CTDP1: variants seen among roughly 807,000 people sequenced by gnomAD.
The protein encoded by CTDP1 is RNA polymerase II subunit A C-terminal domain phosphatase.
A neutral mutation model predicts 91.8 loss-of-function variants in CTDP1; 47 were observed. The ratio of observed to expected loss-of-function variants is 0.51; its 90% confidence interval spans 0.41 to 0.65. The LOEUF (loss-of-function observed/expected upper bound fraction) is 0.65, where lower values mean the gene tolerates loss of function less well. Ranked by LOEUF, CTDP1 falls within the 30% of genes least tolerant of loss-of-function variation. The pLI is 0.00. For missense variants in CTDP1, 1,272 were observed against 1,373.7 expected (o/e 0.93, Z 1.17); for synonymous variants, 656 against 598.5 (o/e 1.10, Z -1.40).
chr18:79,723,637 C>A (rs577535384), intron 10 of CTDP1, among the ~76,000 whole-genome samples: 105 of 152,280 alleles, frequency 6.9e-4, no homozygotes, highest in African/African-American at 2.4e-3. Context: ...TGCAGAGAGG[C>A]CCTTTGGACC....
At chr18:79,712,939 T>A in intron 6 of CTDP1, 33 bp from the exon 7 acceptor site, 1 of 1,609,230 alleles carries the variant, frequency 6.2e-7, no homozygotes. Context: ...TTTTCATTAT[T>A]ATTTTTTGTA....
intron 10 of CTDP1, 24 bp from the exon 11 acceptor site, chr18:79,728,883 T>C: frequency 6.2e-7 from 1 of 1,613,282 alleles, no homozygotes; most frequent in Non-Finnish European, 8.5e-7. Context: ...CTTCCTCATG[T>C]GGGACCTATG....
intron 12 of CTDP1, among the ~76,000 whole-genome samples, chr18:79,743,840 AAGG>A (rs1397798078): frequency 5.3e-5 from 8 of 152,222 alleles, no homozygotes; most frequent in Non-Finnish European, 8.8e-5. Flanking sequence ...ACAAGTGTGA[AAGG>A]AGGATAAACC....
chr18:79,723,800 G>GCCCT (rs1044528085), intron 10 of CTDP1, among the ~76,000 whole-genome samples: 4 of 152,088 alleles, frequency 2.6e-5, no homozygotes, highest in Non-Finnish European at 4.4e-5. Flanking sequence ...CTGACCCTTG[G>GCCCT]CCCTCCACCT....
chr18:79,738,198 T>G (rs2086705694), intron 12 of CTDP1, among the ~76,000 whole-genome samples: 1 of 152,172 alleles, frequency 6.6e-6, no homozygotes, highest in African/African-American at 2.4e-5. Context: ...AGCATCTCCT[T>G]GAGGATTTAG....
chr18:79,749,467 AGGCAGGGAGCCG>A (rs2086949297), intron 12 of CTDP1, among the ~76,000 whole-genome samples: 1 of 151,642 alleles, frequency 6.6e-6, no homozygotes, highest in Non-Finnish European at 1.5e-5. Context: ...ATCAGCACAC[AGGCAGGGAGCCG>A]GGCACCAGAC....
Position 79,680,178 on chromosome 18 carries a change from G to A in CTDP1, c.231G>A (p.Ala77=). 1 of 1,383,910 alleles carries A rather than the reference G, an allele frequency of 7.2e-7. No individual in the cohort carries two copies. The highest frequency in any genetic ancestry group is 9.3e-7 in the Non-Finnish European group (1 of 1,075,178). The allele number at this position is 1,383,910 out of a possible 1,614,324, so 85.7% of individuals were successfully genotyped here. The change falls in exon 1 of 13, where the codon GCG becomes GCA. Residue 77 remains alanine, a synonymous_variant. Transcript: ENST00000613122. The stretch of plus-strand genomic sequence containing the variant: ...CCTCCGGGGGCTGCGTGCGCCCCGC[G>A]CGGCCGGAACGCAGGCTGAGGTCGG... ...RVASGGCVRP[A]RPERRLRSER...
At chr18:79,685,353 TCA>T (rs1265317971) in intron 1 of CTDP1, 3 of 152,202 alleles carry the variant, frequency 2.0e-5, no homozygotes, top group African/African-American at 4.8e-5. Flanking sequence ...TCCCAGTCAC[TCA>T]CAGGGAGGTA....
chr18:79,695,104 A>C, intron 1 of CTDP1, 121 bp from the exon 2 acceptor site: 1 of 875,158 alleles, frequency 1.1e-6, no homozygotes, highest in South Asian at 1.4e-5. Context: ...CCTGCCTACA[A>C]AGTTATGCAA....
rs905777685 is a variant in CTDP1 at position 79,737,153 on chromosome 18, G to A, written c.2747+632G>A. 3.2e-4 allele frequency among the ~76,000 whole-genome samples: 48 copies of A among 152,244 alleles called. 1 individual carries two copies. The highest frequency in any genetic ancestry group is 7.2e-5 in the African/African-American group (3 of 41,464). On this transcript the variant is annotated intron_variant, in intron 12 of 12. Coordinates refer to ENST00000613122, the MANE Select transcript of CTDP1 (RefSeq NM_004715.5). ...CCATGAATGAGGCCTGTTTTCGGGCGTTTGGCCGCAACAGCGCACTCTAAA... is the reference window on the plus strand; with the variant it reads ...CCATGAATGAGGCCTGTTTTCGGGCATTTGGCCGCAACAGCGCACTCTAAA...
chr18:79,703,779 C>T (rs553734436), intron 4 of CTDP1: 3 of 151,974 alleles, frequency 2.0e-5, no homozygotes, highest in Non-Finnish European at 4.4e-5. Context: ...CCTAGGCGGT[C>T]GTTGCAGGTA....
intron 10 of CTDP1, among the ~76,000 whole-genome samples, chr18:79,727,377 G>A (rs1482298226): frequency 6.6e-6 from 1 of 151,784 alleles, no homozygotes; most frequent in African/African-American, 2.4e-5. Flanking sequence ...TTCACGGGAT[G>A]GAAAGCGCAG....
chr18:79,751,575 C>T (rs1415197328), intron 12 of CTDP1, among the ~76,000 whole-genome samples: 1 of 152,118 alleles, frequency 6.6e-6, no homozygotes, highest in Admixed American at 6.6e-5. Context: ...TGATTTTATT[C>T]CTTTTGTCTC....
intron 10 of CTDP1, among the ~76,000 whole-genome samples, chr18:79,720,971 A>G (rs1255153934): frequency 2.6e-5 from 4 of 152,180 alleles, no homozygotes; most frequent in African/African-American, 7.2e-5. Context: ...CAGCAATACC[A>G]GTTTATTTTA....
At chr18:79,738,096 T>A (rs1413105736) in intron 12 of CTDP1, among the ~76,000 whole-genome samples, 1 of 143,164 alleles carries the variant, frequency 7.0e-6, no homozygotes, top group South Asian at 2.4e-4. Context: ...TGTCTCTGCA[T>A]TTTGGTGGAG....
chr18:79,750,178 C>T (rs118101438), intron 12 of CTDP1, among the ~76,000 whole-genome samples: 2,147 of 152,042 alleles, frequency 0.014, 33 homozygotes, highest in South Asian at 0.025. Context: ...AGAAAAGGTG[C>T]GCGGAGATTT....
intron 1 of CTDP1, among the ~76,000 whole-genome samples, chr18:79,686,446 T>A (rs601402): frequency 0.57 from 87,259 of 152,118 alleles, 25,164 homozygotes; most frequent in Middle Eastern, 0.67. Context: ...ACTGATGAGT[T>A]TGAAGAGATT....
chr18:79,705,059 G>T, intron 5 of CTDP1, 142 bp downstream of exon 5: 1 of 1,321,246 alleles, frequency 7.6e-7, no homozygotes, highest in Admixed American at 2.0e-5. Flanking sequence ...TGTGCAGGGG[G>T]TTGTGAGAGG....
At chr18:79,738,427 A>C (rs1229377348) in intron 12 of CTDP1, among the ~76,000 whole-genome samples, 1 of 152,184 alleles carries the variant, frequency 6.6e-6, no homozygotes. Flanking sequence ...GGACCTCTGC[A>C]TCCTGGTTTC....
Sources: gnomAD v4.1 joint callset for allele counts (sites outside exome capture counted in the v4.1 genomes callset) on GRCh38, gnomAD v4.1.1 for gene constraint, MANE v1.5 for transcripts, NCBI Gene and HGNC (gene_info 2026-07-23, HGNC 2026-07-21) for gene names.